CBY1: variants seen among roughly 807,000 people sequenced by gnomAD.
CBY1 encodes chibby 1, beta catenin antagonist.
In CBY1, 10 loss-of-function variants were observed where a neutral mutation model predicts 15.6. The ratio of observed to expected loss-of-function variants is 0.64; its 90% CI spans 0.40 to 1.09. The LOEUF (loss-of-function observed/expected upper bound fraction) is 1.09, where lower values mean the gene tolerates loss of function less well. CBY1 is among the 50% of genes least tolerant of loss of function. The pLI is 0.01. For synonymous variants in CBY1, 61 were observed against 63.5 expected (o/e 0.96, Z 0.19); for missense variants, 150 against 160.5 (o/e 0.93, Z 0.35).
intron 1 of CBY1, 167 bp from the exon 2 acceptor site, chr22:38,667,850 T>TA: frequency 1.7e-6 from 1 of 593,902 alleles, no homozygotes. Flanking sequence ...CTTATACTGT[T>TA]AAACAATGGC....
intron 1 of CBY1, among the ~76,000 whole-genome samples, chr22:38,664,797 G>A (rs1467294772): frequency 6.6e-6 from 1 of 152,022 alleles, no homozygotes; most frequent in Non-Finnish European, 1.5e-5. Flanking sequence ...CCAGAAAAGT[G>A]TACATATGCA....
intron 1 of CBY1, among the ~76,000 whole-genome samples, chr22:38,659,226 G>C (rs1305937043): frequency 6.6e-6 from 1 of 151,902 alleles, no homozygotes; most frequent in African/African-American, 2.4e-5. Flanking sequence ...GTGAGCCACT[G>C]TACCTGGCCT....
chr22:38,659,644 C>T (rs1460214621), intron 1 of CBY1, among the ~76,000 whole-genome samples: 1 of 151,970 alleles, frequency 6.6e-6, no homozygotes, highest in African/African-American at 2.4e-5. Flanking sequence ...GGGCAGATCA[C>T]AAGGTCAGGA....
chr22:38,658,767 C>T (rs972111200), intron 1 of CBY1, among the ~76,000 whole-genome samples: 2 of 151,798 alleles, frequency 1.3e-5, no homozygotes, highest in South Asian at 2.1e-4. Flanking sequence ...TGAGCCACCA[C>T]GCCCGGCCTA....
chr22:38,669,357 A>G (rs921713151), intron 2 of CBY1, among the ~76,000 whole-genome samples: 2 of 152,132 alleles, frequency 1.3e-5, no homozygotes, highest in African/African-American at 4.8e-5. Flanking sequence ...CCTTCTGCCT[A>G]GAATGTTTAA....
intron 4 of CBY1, among the ~76,000 whole-genome samples, chr22:38,672,611 C>T (rs1033714787): frequency 6.6e-6 from 1 of 152,006 alleles, no homozygotes; most frequent in Admixed American, 6.6e-5. Flanking sequence ...CCACCACGCC[C>T]GGCCTGGATG....
chr22:38,672,415 G>C (rs2092455441), intron 4 of CBY1, among the ~76,000 whole-genome samples: 1 of 151,778 alleles, frequency 6.6e-6, no homozygotes, highest in Non-Finnish European at 1.5e-5. Context: ...TGCAACCTCT[G>C]CCTCCCGGGT....
At chr22:38,667,002 ATTTC>A (rs368646965) in intron 1 of CBY1, among the ~76,000 whole-genome samples, 1,529 of 123,732 alleles carry the variant, frequency 0.012, 24 homozygotes, top group African/African-American at 0.047. Flanking sequence ...GTGCCCAGCC[ATTTC>A]TTTCTTTATT....
At chr22:38,658,225 AAG>A (rs1356130608) in intron 1 of CBY1, among the ~76,000 whole-genome samples, 1 of 151,736 alleles carries the variant, frequency 6.6e-6, no homozygotes, top group African/African-American at 2.4e-5. Flanking sequence ...TCCTGGGTTC[AAG>A]CAATTATCCT....
chr22:38,665,671 A>AT (rs2092433821), intron 1 of CBY1: 1 of 1,180,076 alleles, frequency 8.5e-7, no homozygotes, highest in South Asian at 4.3e-5. Flanking sequence ...AATTCTGTGC[A>AT]TGTACAGTGG....
intron 2 of CBY1, among the ~76,000 whole-genome samples, chr22:38,669,108 T>G (rs990743634): frequency 6.6e-6 from 1 of 152,230 alleles, no homozygotes; most frequent in African/African-American, 2.4e-5. Context: ...CTACATTGTT[T>G]TCCACATGCT....
intron 1 of CBY1, chr22:38,666,841 T>C (rs1348952124): frequency 6.6e-6 from 1 of 151,584 alleles, no homozygotes; most frequent in Non-Finnish European, 1.5e-5. Flanking sequence ...TAGCTGGGAT[T>C]ACAGGCACCC....
In CBY1 at chr22:38,661,226, C is replaced by A. The variant is rs1430452147; in HGVS notation, c.-39+4476C>A. Among the ~76,000 whole-genome samples the A allele has an allele frequency of 4.6e-5, 7 of 152,028 alleles. 1 individual carries two copies. The South Asian group carries it at 1.5e-3, about 32-fold the overall frequency. On this transcript the variant is annotated intron_variant, in intron 1 of 4. Transcript: ENST00000216029. ...TCTCGTTCTGTCACCCAGGCTGGAGCGCAGTGGTGTGTTCTCGGCTCACCG... is the reference window on the plus strand; with the variant it reads ...TCTCGTTCTGTCACCCAGGCTGGAGAGCAGTGGTGTGTTCTCGGCTCACCG...
chr22:38,662,942 A>C (rs2092425978), intron 1 of CBY1, among the ~76,000 whole-genome samples: 1 of 152,010 alleles, frequency 6.6e-6, no homozygotes, highest in Non-Finnish European at 1.5e-5. Flanking sequence ...CAACATGGCG[A>C]AACACCATCT....
At chr22:38,669,614 C>G (rs2092446676) in intron 2 of CBY1, 2 of 152,336 alleles carry the variant, frequency 1.3e-5, no homozygotes, top group East Asian at 1.9e-4. Flanking sequence ...TGGCTGAGCA[C>G]TGGGGACTGA....
At chr22:38,660,084 C>A (rs1025756536) in intron 1 of CBY1, among the ~76,000 whole-genome samples, 1 of 152,122 alleles carries the variant, frequency 6.6e-6, no homozygotes, top group Non-Finnish European at 1.5e-5. Flanking sequence ...AGAATTATAG[C>A]ATCTTCTGAT....
chr22:38,668,099 T>A lies in CBY1; in HGVS notation c.45T>A (p.Pro15=). ...CGTTCAGTCCGAAGAAGACACCTCC[T>A]CGGAAGTCGGCATCTCTCTCCAACC... ...GNTFSPKKTP[P]RKSASLSNLH... The change falls in exon 2 of 5, where the codon CCT becomes CCA. Residue 15 remains proline (P), a synonymous_variant. Coordinates refer to ENST00000216029, the MANE Select transcript of CBY1 (RefSeq NM_015373.4). 1 of 1,613,454 alleles carries A rather than the reference T, an allele frequency of 6.2e-7. No individual in the cohort carries two copies. The highest frequency in any genetic ancestry group is 8.5e-7 in the Non-Finnish European group (1 of 1,179,466).
intron 1 of CBY1, among the ~76,000 whole-genome samples, chr22:38,661,175 T>C (rs765797597): frequency 2.0e-5 from 3 of 152,120 alleles, no homozygotes; most frequent in Non-Finnish European, 4.4e-5. Context: ...GATTTTATTT[T>C]AGTTTATTTT....
At position 38,668,187 on chromosome 22, in the gene CBY1, G is replaced by A. The variant is rs1208162251; in HGVS notation, c.78+55G>A. The stretch of plus-strand genomic sequence containing the variant: ...GTGCAGCATGAGTTGAGTGCTGAGC[G>A]TGTCTCTGAATGGAAAGTGTGGTCC... On this transcript the variant is annotated intron_variant, in intron 2 of 4. Transcript: ENST00000216029. 55 of 1,051,054 alleles carry A rather than the reference G, an allele frequency of 5.2e-5. No homozygotes were observed. The East Asian group carries it at 1.3e-3, about 24-fold the overall frequency. The allele number at this position is 1,051,054 out of a possible 1,614,324, so 65.1% of individuals were successfully genotyped here.
Sources: gnomAD v4.1 joint callset for allele counts (sites outside exome capture counted in the v4.1 genomes callset) on GRCh38, gnomAD v4.1.1 for gene constraint, MANE v1.5 for transcripts, NCBI Gene and HGNC (gene_info 2026-07-23, HGNC 2026-07-21) for gene names.